Variants in NLGN1 observed in about 807,000 individuals in gnomAD.
The protein encoded by NLGN1 is neuroligin 1.
In NLGN1, 12 loss-of-function variants were observed where a neutral mutation model predicts 65.5. That is an observed-to-expected ratio of 0.18 (90% CI 0.12 to 0.30). The LOEUF (loss-of-function observed/expected upper bound fraction) is 0.30, where lower values mean the gene tolerates loss of function less well. NLGN1 is among the 10% of genes least tolerant of loss of function. The pLI, the probability that NLGN1 is intolerant of heterozygous loss-of-function variation, is 1.00. For missense variants in NLGN1, 750 were observed against 1,007.1 expected (o/e 0.74, Z 3.46); for synonymous variants, 350 against 359.5 (o/e 0.97, Z 0.30).
chr3:174,194,862 C>CTTTTT (rs371935591), intron 4 of NLGN1, among the ~76,000 whole-genome samples: 1 of 127,650 alleles, frequency 7.8e-6, no homozygotes. Flanking sequence ...TTTCTTTTTT[C>CTTTTT]TTTTTTCTTT....
chr3:173,569,622 T>C (rs573525224), intron 2 of NLGN1, among the ~76,000 whole-genome samples: 4 of 151,958 alleles, frequency 2.6e-5, no homozygotes, highest in Admixed American at 6.5e-5. Context: ...TTTTCCTTTT[T>C]AATGCTATTT....
At chr3:173,571,196 GA>G (rs1427923030) in intron 2 of NLGN1, among the ~76,000 whole-genome samples, 4 of 152,192 alleles carry the variant, frequency 2.6e-5, no homozygotes, top group Non-Finnish European at 5.9e-5. Context: ...TGGCCATAGG[GA>G]GCCAATTTTT....
intron 4 of NLGN1, among the ~76,000 whole-genome samples, chr3:174,103,290 A>T (rs185195397): frequency 1.3e-5 from 2 of 152,342 alleles, no homozygotes; most frequent in East Asian, 3.9e-4. Flanking sequence ...TTTGGACTGG[A>T]AAGAGGAAAT....
intron 4 of NLGN1, among the ~76,000 whole-genome samples, chr3:174,025,821 C>T (rs1240135780): frequency 6.6e-6 from 1 of 152,080 alleles, no homozygotes; most frequent in Non-Finnish European, 1.5e-5. Flanking sequence ...TATATGGCAG[C>T]TTTATGACAT....
At chr3:173,858,600 C>T (rs1196064529) in intron 4 of NLGN1, among the ~76,000 whole-genome samples, 1 of 151,872 alleles carries the variant, frequency 6.6e-6, no homozygotes, top group African/African-American at 2.4e-5. Context: ...CTTGCTTATC[C>T]CATTGTAAAC....
chr3:173,905,448 A>G (rs550162223), intron 4 of NLGN1, among the ~76,000 whole-genome samples: 170 of 152,330 alleles, frequency 1.1e-3, no homozygotes, highest in Non-Finnish European at 1.8e-3. Context: ...GCTCTGGTCC[A>G]TCATGTATTC....
intron 3 of NLGN1, among the ~76,000 whole-genome samples, chr3:173,729,932 A>T (rs1285245410): frequency 1.3e-5 from 2 of 151,956 alleles, no homozygotes; most frequent in Non-Finnish European, 2.9e-5. Flanking sequence ...TATTTCACCT[A>T]TGGGACTTAA....
chr3:173,950,808 CAAA>C (rs769516741), intron 4 of NLGN1, among the ~76,000 whole-genome samples: 1 of 96,856 alleles, frequency 1.0e-5, no homozygotes, highest in Admixed American at 1.1e-4. Context: ...GACTTCGTCT[CAAA>C]AAAAAAAAAA....
At chr3:173,932,506 T>TAA (rs35391510) in intron 4 of NLGN1, among the ~76,000 whole-genome samples, 2 of 142,084 alleles carry the variant, frequency 1.4e-5, no homozygotes, top group Non-Finnish European at 1.5e-5. Flanking sequence ...GCACATTATT[T>TAA]AAAAAAAAAA....
intron 4 of NLGN1, among the ~76,000 whole-genome samples, chr3:173,915,145 C>G (rs1740475706): frequency 6.6e-6 from 1 of 152,202 alleles, no homozygotes; most frequent in Non-Finnish European, 1.5e-5. Context: ...TACGCTGACT[C>G]TATTTCATGA....
intron 3 of NLGN1, among the ~76,000 whole-genome samples, chr3:173,743,385 G>C (rs1025779463): frequency 1.3e-5 from 2 of 151,924 alleles, no homozygotes; most frequent in African/African-American, 4.8e-5. Flanking sequence ...CAGCTCAAGG[G>C]ACAAATACAC....
intron 2 of NLGN1, among the ~76,000 whole-genome samples, chr3:173,439,992 C>T (rs1385874628): frequency 6.6e-6 from 1 of 152,140 alleles, no homozygotes; most frequent in East Asian, 1.9e-4. Context: ...ATTTTACCCA[C>T]AGTAGAATTT....
At chr3:173,408,591 G>A (rs770448365) in intron 1 of NLGN1, among the ~76,000 whole-genome samples, 8 of 152,150 alleles carry the variant, frequency 5.3e-5, no homozygotes, top group African/African-American at 1.4e-4. Flanking sequence ...ATAGAACTGC[G>A]TAAACATGGC....
Position 174,211,629 on chromosome 3 carries a change from C to T in NLGN1, c.647-63686C>T, listed in dbSNP as rs374493597. ...TAGATACAGAGTGTCGATTGGTGCACTCACAAACCTTGAGCTAAACACAGG... is the reference window on the plus strand; with the variant it reads ...TAGATACAGAGTGTCGATTGGTGCATTCACAAACCTTGAGCTAAACACAGG... On this transcript the variant is annotated intron_variant, in intron 4 of 6. Transcript: ENST00000457714. Among the ~76,000 whole-genome samples the T allele has an allele frequency of 3.0e-4, 45 of 149,912 alleles. No individual in the cohort carries two copies. The South Asian group carries it at 9.1e-3, about 30-fold the overall frequency.
chr3:173,709,564 G>A (rs1225117655), intron 3 of NLGN1, among the ~76,000 whole-genome samples: 1 of 152,058 alleles, frequency 6.6e-6, no homozygotes, highest in Non-Finnish European at 1.5e-5. Context: ...CACTTGGGGA[G>A]GTTGAGACAG....
intron 2 of NLGN1, among the ~76,000 whole-genome samples, chr3:173,579,480 A>G (rs2149358341): frequency 6.6e-6 from 1 of 152,338 alleles, no homozygotes; most frequent in East Asian, 1.9e-4. Context: ...AGGTCTCAAG[A>G]TAAATAAACA....
intron 4 of NLGN1, among the ~76,000 whole-genome samples, chr3:174,048,888 A>G (rs1370368634): frequency 1.3e-5 from 2 of 152,036 alleles, no homozygotes; most frequent in East Asian, 1.9e-4. Flanking sequence ...TTTTTCTAAG[A>G]CATTTATGGC....
At position 174,158,140 on chromosome 3, in the gene NLGN1, CTTG is replaced by C. The variant is rs1334633597; in HGVS notation, c.647-117172_647-117170del. Among the ~76,000 whole-genome samples the C allele has an allele frequency of 3.3e-5, 5 of 151,756 alleles. No individual in the cohort carries two copies. In the East Asian group the frequency reaches 9.7e-4, roughly 30 times the overall value. On this transcript the variant is annotated intron_variant, in intron 4 of 6. Coordinates refer to ENST00000457714, the Ensembl canonical transcript of NLGN1. ...AGCAGTATGCTTTGTGTTTACTTACCTTGTTAAGTGTGTTTTCACTCACTCCTC... is the reference window on the plus strand; with the variant it reads ...AGCAGTATGCTTTGTGTTTACTTACCTTAAGTGTGTTTTCACTCACTCCTC...
intron 2 of NLGN1, among the ~76,000 whole-genome samples, chr3:173,560,420 G>A (rs1742519249): frequency 6.6e-6 from 1 of 151,976 alleles, no homozygotes; most frequent in Admixed American, 6.6e-5. Flanking sequence ...GGGAGGGAGG[G>A]AAAAGGCAGA....
Sources: gnomAD v4.1 joint callset for allele counts (sites outside exome capture counted in the v4.1 genomes callset) on GRCh38, gnomAD v4.1.1 for gene constraint, MANE v1.5 for transcripts, NCBI Gene and HGNC (gene_info 2026-07-23, HGNC 2026-07-21) for gene names.